The following PRKN variants were observed in gnomAD, a reference collection of about 807,000 sequenced individuals.
PRKN encodes the protein parkin RBR E3 ubiquitin protein ligase, also known as E3 ubiquitin-protein ligase parkin.
In PRKN, 56 loss-of-function variants were observed where a neutral mutation model predicts 59.5. That is an observed-to-expected ratio of 0.94 (90% CI 0.76 to 1.18). The LOEUF is 1.18. Among genes scored for constraint, PRKN ranks in the 50% most tolerant of loss-of-function variants. PRKN has a pLI of 0.00. For missense variants in PRKN, 657 were observed against 596.4 expected, an observed-to-expected ratio of 1.10 and a Z score of -1.06; for synonymous variants, 250 against 222.1, an observed-to-expected ratio of 1.13 and a Z score of -1.12.
chr6:162,090,466 G>T (rs950089031), intron 4 of PRKN, among the ~76,000 whole-genome samples: 1 of 152,082 alleles, frequency 6.6e-6, no homozygotes, highest in Non-Finnish European at 1.5e-5. Context: ...TTACTGAAGA[G>T]GTCACTGGTT....
At chr6:162,327,207 G>A (rs1469871023) in intron 2 of PRKN, among the ~76,000 whole-genome samples, 1 of 152,090 alleles carries the variant, frequency 6.6e-6, no homozygotes, top group Non-Finnish European at 1.5e-5. Context: ...ATATTGATCA[G>A]GAGAGAAAAA....
intron 3 of PRKN, among the ~76,000 whole-genome samples, chr6:162,235,967 A>AAGAAAGAAAGAAAGAAAGAAAG (rs1778666517): frequency 4.9e-5 from 5 of 101,666 alleles, no homozygotes; most frequent in African/African-American, 1.6e-4. Context: ...GGAAGAAAGA[A>AAGAAAGAAAGAAAGAAAGAAAG]AGAAAGAAAG....
Position 161,546,745 on chromosome 6 carries a change from C to T in PRKN, c.1083+2109G>A, listed in dbSNP as rs145719213. On this transcript the variant is annotated intron_variant, in intron 9 of 11. Coordinates refer to ENST00000366898, the MANE Select transcript of PRKN (RefSeq NM_004562.3). This position sits in a 1 kb window ranked among gnomAD's most constrained non-coding sequence, Gnocchi z 4.4. ...CTTCTAATGAATAAAGTGAGAGTGACAGGTGCAGCTTTGGGGATTTGGTCC... is the reference window on the plus strand; with the variant it reads ...CTTCTAATGAATAAAGTGAGAGTGATAGGTGCAGCTTTGGGGATTTGGTCC... 2.6e-4 allele frequency among the ~76,000 whole-genome samples: 40 copies of T among 152,100 alleles called. No individual in the cohort carries two copies. Among genetic ancestry groups the T allele is most frequent in the Non-Finnish European group, 3.2e-4 (22 of 68,000 alleles).
At chr6:161,652,960 C>G (rs1326992690) in intron 7 of PRKN, among the ~76,000 whole-genome samples, 2 of 152,200 alleles carry the variant, frequency 1.3e-5, no homozygotes, top group Admixed American at 6.5e-5. Flanking sequence ...TAAAATCTGT[C>G]TGCAATTAAC....
At chr6:162,288,354 A>C (rs1781284977) in intron 2 of PRKN, among the ~76,000 whole-genome samples, 2 of 152,136 alleles carry the variant, frequency 1.3e-5, no homozygotes, top group African/African-American at 4.8e-5. Context: ...TGTGACTATG[A>C]AGAATGCCAC....
intron 9 of PRKN, among the ~76,000 whole-genome samples, chr6:161,406,188 A>G (rs1053801004): frequency 2.0e-5 from 3 of 149,838 alleles, no homozygotes; most frequent in Admixed American, 6.7e-5. Context: ...ATACATATAT[A>G]CACACATATA....
chr6:162,068,934 T>G (rs1301394356), intron 4 of PRKN, among the ~76,000 whole-genome samples: 3 of 152,158 alleles, frequency 2.0e-5, no homozygotes, highest in Non-Finnish European at 2.9e-5. Flanking sequence ...AAATGGTAAC[T>G]CAATATATAA....
chr6:162,379,485 T>C (rs1022144112), intron 2 of PRKN, among the ~76,000 whole-genome samples: 3 of 152,206 alleles, frequency 2.0e-5, no homozygotes, highest in Non-Finnish European at 4.4e-5. Flanking sequence ...ACTAAATAAA[T>C]ACTAACTCAA....
intron 7 of PRKN, among the ~76,000 whole-genome samples, chr6:161,650,232 G>A (rs1349030429): frequency 6.6e-6 from 1 of 152,160 alleles, no homozygotes; most frequent in Non-Finnish European, 1.5e-5. Context: ...CTGTGGTATA[G>A]TTTTTTACTA....
chr6:161,556,802 T>C lies in PRKN; in HGVS notation c.934-7799A>G, dbSNP rs116687715. Among the ~76,000 whole-genome samples, 709 of 152,284 alleles carry C rather than the reference T, an allele frequency of 4.7e-3. 7 individuals are homozygous for C. The highest frequency in any genetic ancestry group is 0.016 in the African/African-American group (681 of 41,558). ...ATTTATAATGTGAACTGGGTTTATA[T>C]AGAGTCCACCCTCAACTGAGCTCAA... On this transcript the variant is annotated intron_variant, in intron 8 of 11. Coordinates refer to ENST00000366898, the MANE Select transcript of PRKN (RefSeq NM_004562.3).
chr6:161,421,514 T>A (rs907115170), intron 9 of PRKN, among the ~76,000 whole-genome samples: 4 of 152,100 alleles, frequency 2.6e-5, no homozygotes, highest in African/African-American at 9.7e-5. Context: ...GGATAGAGAG[T>A]ATGTTGTATC....
In PRKN at chr6:161,457,714, T is replaced by C. The variant is rs1790034264; in HGVS notation, c.1084-70837A>G. Among the ~76,000 whole-genome samples the C allele has an allele frequency of 6.6e-6, 1 of 152,244 alleles. No homozygotes were observed. Among genetic ancestry groups the C allele is most frequent in the African/African-American group, 2.4e-5 (1 of 41,464 alleles). On this transcript the variant is annotated intron_variant, in intron 9 of 11. Coordinates refer to ENST00000366898, the MANE Select transcript of PRKN (RefSeq NM_004562.3). The surrounding 1 kb of genome is among the most constrained non-coding windows in gnomAD (Gnocchi z 5.0). ...CTACTGTTAGGTACAAACGTGTCTC[T>C]AGAGAAGAGACTGGTTCTGAAAATA...
Position 161,529,286 on chromosome 6 carries a change from C to T in PRKN, c.1083+19568G>A. ...ACAATGATGGGGATGATGTTGACAC[C>T]TGGTTGTGGCTGACGGCTGTGTCCC... On this transcript the variant is annotated intron_variant, in intron 9 of 11. Coordinates refer to ENST00000366898, the MANE Select transcript of PRKN (RefSeq NM_004562.3). The surrounding 1 kb of genome is among the most constrained non-coding windows in gnomAD (Gnocchi z 4.4). 1.3e-5 allele frequency among the ~76,000 whole-genome samples: 2 copies of T among 152,132 alleles called. 1 individual carries two copies. Among genetic ancestry groups the T allele is most frequent in the East Asian group, 3.9e-4 (2 of 5,192 alleles).
chr6:161,394,190 T>C (rs1386787453), intron 9 of PRKN, among the ~76,000 whole-genome samples: 1 of 152,240 alleles, frequency 6.6e-6, no homozygotes, highest in East Asian at 1.9e-4. Context: ...GGTTATTTCC[T>C]TTCAAGTACA....
At chr6:162,038,332 C>G (rs912437328) in intron 5 of PRKN, among the ~76,000 whole-genome samples, 1 of 152,092 alleles carries the variant, frequency 6.6e-6, no homozygotes, top group African/African-American at 2.4e-5. Context: ...TGGAGAATGC[C>G]ACCTTCTGAA....
At chr6:161,706,288 T>C (rs556965070) in intron 7 of PRKN, among the ~76,000 whole-genome samples, 1 of 152,194 alleles carries the variant, frequency 6.6e-6, no homozygotes, top group Non-Finnish European at 1.5e-5. Flanking sequence ...GCTTTGCCCA[T>C]GCAAGATCCC....
intron 9 of PRKN, among the ~76,000 whole-genome samples, chr6:161,450,761 T>C (rs995339172): frequency 2.0e-5 from 3 of 152,200 alleles, no homozygotes; most frequent in Non-Finnish European, 1.5e-5. Context: ...TTCACTGTGT[T>C]AGCCAGGATG....
chr6:161,602,226 CTATT>C (rs1380929079), intron 7 of PRKN, among the ~76,000 whole-genome samples: 2 of 152,174 alleles, frequency 1.3e-5, no homozygotes, highest in African/African-American at 4.8e-5. Context: ...ATGTATCTCT[CTATT>C]TATCTATCAT....
chr6:161,626,946 A>T (rs1021949009), intron 7 of PRKN, among the ~76,000 whole-genome samples: 2 of 151,982 alleles, frequency 1.3e-5, no homozygotes, highest in African/African-American at 4.8e-5. Context: ...AAACTCACTT[A>T]TCTAGATCAG....
Sources: gnomAD v4.1 joint callset for allele counts (sites outside exome capture counted in the v4.1 genomes callset) on GRCh38, gnomAD v4.1.1 for gene constraint, Gnocchi (gnomAD v3.1) non-coding constraint, MANE v1.5 for transcripts, NCBI Gene and HGNC (gene_info 2026-07-23, HGNC 2026-07-21) for gene names.